SNX29: variants seen among roughly 807,000 people sequenced by gnomAD.
SNX29 encodes sorting nexin 29, also known as sorting nexin-29.
In SNX29, 78 loss-of-function variants were observed where a neutral mutation model predicts 102.1. The ratio of observed to expected loss-of-function variants is 0.76; its 90% CI spans 0.64 to 0.92. The LOEUF is 0.92. Ranked by LOEUF, SNX29 falls within the 40% of genes least tolerant of loss-of-function variation. The pLI, the probability that SNX29 is intolerant of heterozygous loss-of-function variation, is 0.00. For synonymous variants in SNX29, 580 were observed against 414.5 expected (o/e 1.40, Z -4.85); for missense variants, 1,280 against 1,061.7 (o/e 1.21, Z -2.86).
At chr16:12,115,958 T>G (rs892465262) in intron 11 of SNX29, among the ~76,000 whole-genome samples, 2 of 152,196 alleles carry the variant, frequency 1.3e-5, no homozygotes, top group African/African-American at 4.8e-5. Flanking sequence ...CCCTAACTGC[T>G]TTTTCAACTG....
chr16:12,528,654 C>G (rs1220871608), intron 20 of SNX29, among the ~76,000 whole-genome samples: 1 of 152,232 alleles, frequency 6.6e-6, no homozygotes, highest in African/African-American at 2.4e-5. Context: ...TTATGTCATA[C>G]ATTTGGGTGG....
At chr16:12,425,554 T>A (rs67756672) in intron 18 of SNX29, among the ~76,000 whole-genome samples, 10,817 of 52,576 alleles carry the variant, frequency 0.21, 921 homozygotes, top group Non-Finnish European at 0.27. Flanking sequence ...ATAAAAAAAA[T>A]AAAAAGAGGG....
chr16:12,070,872 G>A (rs1261719193), intron 10 of SNX29, among the ~76,000 whole-genome samples: 2 of 152,170 alleles, frequency 1.3e-5, no homozygotes, highest in Non-Finnish European at 2.9e-5. Context: ...ATTCTAACTG[G>A]TGTGAGATGG....
intron 13 of SNX29, among the ~76,000 whole-genome samples, chr16:12,172,627 G>T: frequency 6.6e-6 from 1 of 152,268 alleles, no homozygotes; most frequent in East Asian, 1.9e-4. Flanking sequence ...ATCAGGCAAG[G>T]TGCTTAGAAT....
intron 15 of SNX29, among the ~76,000 whole-genome samples, chr16:12,291,845 A>C (rs1200391407): frequency 2.0e-5 from 3 of 152,198 alleles, no homozygotes; most frequent in Admixed American, 6.5e-5. Flanking sequence ...ACCAAGGTTC[A>C]CTTCAGTGCT....
intron 16 of SNX29, among the ~76,000 whole-genome samples, chr16:12,394,498 A>C (rs960554516): frequency 1.3e-5 from 2 of 152,166 alleles, no homozygotes; most frequent in African/African-American, 4.8e-5. Context: ...CTTTTTAAAA[A>C]AACTTGGCTA....
chr16:12,497,298 A>C (rs1196949385), intron 19 of SNX29, among the ~76,000 whole-genome samples: 2 of 152,254 alleles, frequency 1.3e-5, no homozygotes, highest in Non-Finnish European at 2.9e-5. Flanking sequence ...CCTGTATTGA[A>C]TATCTATCAT....
At chr16:12,563,041 A>T (rs551068816) in intron 20 of SNX29, among the ~76,000 whole-genome samples, 1 of 152,166 alleles carries the variant, frequency 6.6e-6, no homozygotes, top group Admixed American at 6.5e-5. Flanking sequence ...TGCAAGGGCC[A>T]AGGTCACCTC....
At chr16:12,513,941 G>A (rs1189910447) in intron 19 of SNX29, among the ~76,000 whole-genome samples, 1 of 152,160 alleles carries the variant, frequency 6.6e-6, no homozygotes, top group Admixed American at 6.5e-5. Context: ...ATTAGCAACC[G>A]CACAGTGGGC....
chr16:12,093,927 G>A (rs760830640), intron 11 of SNX29: 7 of 152,158 alleles, frequency 4.6e-5, no homozygotes, highest in Non-Finnish European at 1.0e-4. Flanking sequence ...AACACTTCAG[G>A]TAGTTAGCAG....
intron 20 of SNX29, among the ~76,000 whole-genome samples, chr16:12,542,717 T>A (rs1359421396): frequency 2.0e-5 from 3 of 151,238 alleles, no homozygotes; most frequent in Admixed American, 1.3e-4. Context: ...CCCAGTCTTT[T>A]ACTCTTAAAT....
At chr16:12,563,092 G>GA (rs2078822354) in intron 20 of SNX29, among the ~76,000 whole-genome samples, 1 of 143,142 alleles carries the variant, frequency 7.0e-6, no homozygotes, top group Non-Finnish European at 1.6e-5. Flanking sequence ...ATGTTACATA[G>GA]AAGACGCACG....
chr16:12,443,552 G>A (rs964545291), intron 18 of SNX29, among the ~76,000 whole-genome samples: 1 of 152,146 alleles, frequency 6.6e-6, no homozygotes, highest in African/African-American at 2.4e-5. Flanking sequence ...TCCCCTTCAA[G>A]CGATTCTCCT....
intron 14 of SNX29, among the ~76,000 whole-genome samples, chr16:12,263,400 T>A (rs1276180093): frequency 6.6e-6 from 1 of 152,198 alleles, no homozygotes; most frequent in Non-Finnish European, 1.5e-5. Flanking sequence ...AGTGCTGGAA[T>A]TACAGGTGTG....
At chr16:12,138,798 T>C (rs758343944) in intron 13 of SNX29, among the ~76,000 whole-genome samples, 21 of 152,136 alleles carry the variant, frequency 1.4e-4, no homozygotes, top group Non-Finnish European at 2.9e-4. Flanking sequence ...ACTAGGCTGC[T>C]GGCAAAAGGC....
chr16:12,350,472 C>T (rs767968849), intron 15 of SNX29, among the ~76,000 whole-genome samples: 9 of 152,144 alleles, frequency 5.9e-5, no homozygotes, highest in East Asian at 1.9e-4. Flanking sequence ...TTTTGCTATC[C>T]GTGTGGAGTC....
intron 13 of SNX29, among the ~76,000 whole-genome samples, chr16:12,194,068 A>G (rs776495310): frequency 6.6e-6 from 1 of 152,146 alleles, no homozygotes; most frequent in African/African-American, 2.4e-5. Flanking sequence ...AAATTTATAG[A>G]TCAATTTTGG....
Position 12,572,571 on chromosome 16 carries a change from A to G in SNX29, c.*3942A>G. ...CATCTGGCTCCTCACAGGGAGGTCC[A>G]GCCATGTTCTCTGGGCTCCCAGTGA... On this transcript the variant is annotated 3_prime_UTR_variant, in exon 21 of 21. Coordinates refer to ENST00000566228, the MANE Select transcript of SNX29 (RefSeq NM_032167.5). The G allele has an allele frequency of 9.4e-7, 1 of 1,064,102 alleles. No homozygotes were observed. The highest frequency in any genetic ancestry group is 1.1e-6 in the Non-Finnish European group (1 of 878,454). 65.9% of individuals were successfully genotyped at this position (1,064,102 alleles called of 1,614,324 possible). A position where few individuals can be genotyped will look rare whatever the true frequency, so the allele number is the denominator to read the frequency against.
intron 11 of SNX29, among the ~76,000 whole-genome samples, chr16:12,082,954 A>G (rs1057371633): frequency 6.6e-6 from 1 of 152,032 alleles, no homozygotes; most frequent in African/African-American, 2.4e-5. Flanking sequence ...TGTCCGGGGT[A>G]TTTGCTTGGG....
Sources: gnomAD v4.1 joint callset for allele counts (sites outside exome capture counted in the v4.1 genomes callset) on GRCh38, gnomAD v4.1.1 for gene constraint, MANE v1.5 for transcripts, NCBI Gene and HGNC (gene_info 2026-07-23, HGNC 2026-07-21) for gene names.